The following GRIK1 variants were observed in gnomAD, a reference collection of about 807,000 sequenced individuals.
GRIK1 encodes the protein glutamate ionotropic receptor kainate type subunit 1, also known as glutamate receptor ionotropic, kainate 1.
GRIK1 carries 69 observed loss-of-function variants against 105.7 expected under a neutral mutation model. The observed-to-expected ratio is 0.65, with a 90% CI of 0.54 to 0.80. The LOEUF is 0.80. GRIK1 is among the 30% of genes least tolerant of loss of function. GRIK1 has a pLI of 0.00. For synonymous variants in GRIK1, 438 were observed against 431.3 expected (o/e 1.02, Z -0.19); for missense variants, 1,109 against 1,167.3 (o/e 0.95, Z 0.73).
chr21:29,829,409 T>C (rs997636115), intron 1 of GRIK1, among the ~76,000 whole-genome samples: 2 of 152,180 alleles, frequency 1.3e-5, no homozygotes, highest in Non-Finnish European at 2.9e-5. Context: ...GTATCTATAG[T>C]AATGGTGATA....
intron 1 of GRIK1, among the ~76,000 whole-genome samples, chr21:29,769,908 C>A (rs1436281311): frequency 6.6e-6 from 1 of 152,156 alleles, no homozygotes; most frequent in African/African-American, 2.4e-5. Context: ...TTTGTTATGG[C>A]AGTCTTAGGA....
At chr21:29,620,802 T>TATATAGATAGATAG (rs1276169939) in intron 7 of GRIK1, among the ~76,000 whole-genome samples, 47 of 127,406 alleles carry the variant, frequency 3.7e-4, no homozygotes, top group Admixed American at 1.5e-3. Context: ...TCTATATATA[T>TATATAGATAGATAG]ATAGATATAT....
intron 1 of GRIK1, among the ~76,000 whole-genome samples, chr21:29,807,090 A>G (rs912729494): frequency 6.6e-6 from 1 of 152,168 alleles, no homozygotes; most frequent in African/African-American, 2.4e-5. Context: ...GCAGGGTTTG[A>G]ACACAGCAGA....
rs368382780 is a variant in GRIK1 at position 29,646,173 on chromosome 21, G to T, written c.955-3204C>A. Among the ~76,000 whole-genome samples, 20 of 152,298 alleles carry T rather than the reference G, an allele frequency of 1.3e-4. 2 individuals carry two copies. Among genetic ancestry groups the T allele is most frequent in the African/African-American group, 4.6e-4 (19 of 41,554 alleles). On this transcript the variant is annotated intron_variant, in intron 6 of 17. Transcript: ENST00000327783. ...CTGGCCTAGGTCTCTGGGCCATGCT[G>T]TATCAATTTGATCTCCCAAAAGGCT...
intron 1 of GRIK1, among the ~76,000 whole-genome samples, chr21:29,936,907 A>G (rs2071776955): frequency 6.6e-6 from 1 of 152,130 alleles, no homozygotes; most frequent in Admixed American, 6.5e-5. Context: ...ATTTTGCTAT[A>G]CTTTACTTTG....
At chr21:29,537,908 A>G (rs1316847024) in intron 16 of GRIK1, 24 bp from the exon 17 acceptor site, 2 of 1,061,778 alleles carry the variant, frequency 1.9e-6, no homozygotes, top group African/African-American at 3.2e-5. Context: ...AAGAAAAAAA[A>G]ACAATTTTAA....
intron 4 of GRIK1, among the ~76,000 whole-genome samples, chr21:29,665,081 C>T (rs562338904): frequency 6.6e-6 from 1 of 152,314 alleles, no homozygotes; most frequent in South Asian, 2.1e-4. Flanking sequence ...AGCATTAGAG[C>T]ATTTTTGAAG....
intron 13 of GRIK1, among the ~76,000 whole-genome samples, chr21:29,577,874 T>C (rs2090932936): frequency 6.6e-6 from 1 of 152,222 alleles, no homozygotes; most frequent in South Asian, 2.1e-4. Flanking sequence ...GTTCCTTAGG[T>C]GAAAGAAGAC....
At chr21:29,646,266 A>G (rs1440050347) in intron 6 of GRIK1, among the ~76,000 whole-genome samples, 1 of 152,130 alleles carries the variant, frequency 6.6e-6, no homozygotes, top group African/African-American at 2.4e-5. Context: ...TCCCAATAAA[A>G]AACCTGGACC....
At chr21:29,582,405 G>A (rs1217329855) in intron 12 of GRIK1, 5 of 433,554 alleles carry the variant, frequency 1.2e-5, no homozygotes, top group Admixed American at 6.0e-5. Flanking sequence ...AAGGTGGTGC[G>A]CTATGGGCAG....
intron 1 of GRIK1, among the ~76,000 whole-genome samples, chr21:29,766,913 A>G (rs2065681404): frequency 6.6e-6 from 1 of 152,244 alleles, no homozygotes; most frequent in Non-Finnish European, 1.5e-5. Flanking sequence ...CTTCAATTGC[A>G]TGAAAGGCTC....
intron 1 of GRIK1, among the ~76,000 whole-genome samples, chr21:29,770,303 C>G (rs988521742): frequency 8.5e-5 from 13 of 152,170 alleles, no homozygotes; most frequent in African/African-American, 3.1e-4. Flanking sequence ...TAGTAAATGC[C>G]CCAATCTGCT....
chr21:29,694,310 G>A (rs2063649477), intron 1 of GRIK1, among the ~76,000 whole-genome samples: 2 of 151,966 alleles, frequency 1.3e-5, no homozygotes, highest in Admixed American at 1.3e-4. Flanking sequence ...TATTAGTAGA[G>A]ATGGGGTTTC....
At chr21:29,753,976 T>G (rs1279474913) in intron 1 of GRIK1, among the ~76,000 whole-genome samples, 2 of 152,148 alleles carry the variant, frequency 1.3e-5, no homozygotes, top group African/African-American at 4.8e-5. Flanking sequence ...TCCTTTTTCT[T>G]AAGGAGAAAA....
chr21:29,779,996 C>T (rs968508439), intron 1 of GRIK1, among the ~76,000 whole-genome samples: 5 of 152,170 alleles, frequency 3.3e-5, no homozygotes, highest in Non-Finnish European at 5.9e-5. Context: ...AGGTTGGGCA[C>T]TTCTTTATTA....
intron 1 of GRIK1, among the ~76,000 whole-genome samples, chr21:29,910,477 G>A (rs2070776548): frequency 6.6e-6 from 1 of 152,120 alleles, no homozygotes; most frequent in Non-Finnish European, 1.5e-5. Flanking sequence ...TAACCTGAGA[G>A]AAAGTAATGA....
rs139432720 is a variant in GRIK1, at chr21:29,566,762, C to T, written c.2131-4913G>A. Among the ~76,000 whole-genome samples, 331 of 152,208 alleles carry T rather than the reference C, an allele frequency of 2.2e-3. 2 individuals are homozygous for T. Among genetic ancestry groups the T allele is most frequent in the African/African-American group, 7.6e-3 (317 of 41,534 alleles). ...ATCTTCACGGTAATCATATGAAAGACGTACCATTATTATTTCTCTTTTATA... is the reference window on the plus strand; with the variant it reads ...ATCTTCACGGTAATCATATGAAAGATGTACCATTATTATTTCTCTTTTATA... On this transcript the variant is annotated intron_variant, in intron 14 of 17. Transcript: ENST00000327783.
At chr21:29,588,176 G>C (rs2146281707) in intron 11 of GRIK1, among the ~76,000 whole-genome samples, 1 of 151,550 alleles carries the variant, frequency 6.6e-6, no homozygotes, top group Admixed American at 6.6e-5. Flanking sequence ...GGGTTTCACT[G>C]TGTTAACCAG....
At chr21:29,819,053 G>A (rs1386526076) in intron 1 of GRIK1, among the ~76,000 whole-genome samples, 1 of 152,180 alleles carries the variant, frequency 6.6e-6, no homozygotes, top group African/African-American at 2.4e-5. Context: ...TGGCCCCAGA[G>A]AGTAATTTAG....
Sources: allele counts gnomAD v4.1 joint callset (sites outside exome capture counted in the v4.1 genomes callset), GRCh38; gene constraint gnomAD v4.1.1; transcripts MANE v1.5; gene names NCBI Gene and HGNC (gene_info 2026-07-23, HGNC 2026-07-21).